The following DCTD variants were observed in gnomAD, a reference collection of about 807,000 sequenced individuals.
DCTD encodes deoxycytidylate deaminase.
In DCTD, 23 loss-of-function variants were observed where a neutral mutation model predicts 21.0. The observed-to-expected ratio is 1.09, with a 90% CI of 0.79 to 1.55. The LOEUF is 1.55. DCTD is among the 40% of genes most tolerant of loss of function. The pLI is 0.00. For missense variants in DCTD, 224 were observed against 230.0 expected (o/e 0.97, Z 0.17); for synonymous variants, 71 against 81.1 (o/e 0.88, Z 0.67).
intron 5 of DCTD, 74 bp from the exon 6 acceptor site, chr4:182,891,551 T>C: frequency 9.5e-7 from 1 of 1,055,672 alleles, no homozygotes; most frequent in South Asian, 1.3e-5. Flanking sequence ...GCTTAACTCA[T>C]ATTTTCTGTG....
rs1734633396 is a variant in DCTD, at chr4:182,895,824, C to A, written c.245-1219G>T. 2.0e-5 allele frequency among the ~76,000 whole-genome samples: 3 copies of A among 152,338 alleles called. No individual in the cohort carries two copies. In the South Asian group the frequency reaches 6.2e-4, roughly 32 times the overall value. ...TACAGAGATCTGTGCCCTGTGCCTG[C>A]AGAGTGTGATGGCCTGGGCTGTGGC... On this transcript the variant is annotated intron_variant, in intron 3 of 5. Coordinates refer to ENST00000438320, the MANE Select transcript of DCTD (RefSeq NM_001921.3).
chr4:182,891,541 G>T, intron 5 of DCTD, 64 bp from the exon 6 acceptor site: 2 of 1,140,936 alleles, frequency 1.8e-6, no homozygotes, highest in Non-Finnish European at 2.6e-6. Flanking sequence ...GTTTACTTTG[G>T]CTTAACTCAT....
chr4:182,912,580 T>C (rs1737897754), intron 3 of DCTD, among the ~76,000 whole-genome samples: 1 of 152,090 alleles, frequency 6.6e-6, no homozygotes, highest in Non-Finnish European at 1.5e-5. Context: ...AAACAATCGG[T>C]GAAGTTGGAC....
chr4:182,891,933 T>C (rs1733829432), intron 5 of DCTD, among the ~76,000 whole-genome samples: 1 of 151,292 alleles, frequency 6.6e-6, no homozygotes, highest in South Asian at 2.1e-4. Flanking sequence ...CAAATTACAT[T>C]CTAAAAATGC....
intron 3 of DCTD, among the ~76,000 whole-genome samples, chr4:182,914,078 G>A (rs1368221724): frequency 1.3e-5 from 2 of 152,140 alleles, no homozygotes; most frequent in Non-Finnish European, 2.9e-5. Context: ...CGCAGTCTTG[G>A]CTCACTACAA....
At chr4:182,916,873 G>T (rs1360571976) in intron 1 of DCTD, 1 of 1,016,300 alleles carries the variant, frequency 9.8e-7, no homozygotes, top group Non-Finnish European at 1.2e-6. Flanking sequence ...GAAACAGAGA[G>T]AACTGGAGCT....
At chr4:182,912,057 A>G (rs1418376500) in intron 3 of DCTD, among the ~76,000 whole-genome samples, 1 of 152,106 alleles carries the variant, frequency 6.6e-6, no homozygotes, top group Non-Finnish European at 1.5e-5. Context: ...AGTCACCATT[A>G]ATGTAGATGA....
At chr4:182,903,927 T>A (rs1234788164) in intron 3 of DCTD, among the ~76,000 whole-genome samples, 1 of 152,210 alleles carries the variant, frequency 6.6e-6, no homozygotes, top group African/African-American at 2.4e-5. Context: ...AAGACTAACA[T>A]CTGTCAAGAG....
At chr4:182,906,592 A>T (rs1287514753) in intron 3 of DCTD, among the ~76,000 whole-genome samples, 1 of 152,278 alleles carries the variant, frequency 6.6e-6, no homozygotes, top group Non-Finnish European at 1.5e-5. Context: ...CATCACCAGC[A>T]GACAACTGAA....
At chr4:182,916,682 G>A in intron 1 of DCTD, 2 of 1,009,142 alleles carry the variant, frequency 2.0e-6, no homozygotes, top group Non-Finnish European at 2.4e-6. Context: ...CCTGGCTTTA[G>A]GGCCAGCATC....
At chr4:182,894,969 A>G in intron 3 of DCTD, among the ~76,000 whole-genome samples, 1 of 152,248 alleles carries the variant, frequency 6.6e-6, no homozygotes, top group East Asian at 1.9e-4. Context: ...GTGGCTGTTA[A>G]GAGGGCTAGG....
In DCTD at chr4:182,912,329, C is replaced by T. The variant is rs114855117; in HGVS notation, c.244+2594G>A. ...TAAGCCCATCTTTACTGTATTATGG[C>T]GGCAGTAATACTAAATGCCTTTTAG... On this transcript the variant is annotated intron_variant, in intron 3 of 5. Transcript: ENST00000438320. Among the ~76,000 whole-genome samples the T allele has an allele frequency of 8.4e-3, 1,282 of 152,176 alleles. 19 individuals carry two copies. The highest frequency in any genetic ancestry group is 0.029 in the African/African-American group (1,184 of 41,520).
intron 3 of DCTD, among the ~76,000 whole-genome samples, chr4:182,911,738 C>T (rs1438268287): frequency 6.6e-6 from 1 of 152,222 alleles, no homozygotes; most frequent in Non-Finnish European, 1.5e-5. Flanking sequence ...ATATCCACAA[C>T]TGGATAAATC....
intron 5 of DCTD, 82 bp from the exon 6 acceptor site, chr4:182,891,559 G>T: frequency 2.1e-6 from 2 of 965,524 alleles, no homozygotes; most frequent in Non-Finnish European, 1.6e-6. Flanking sequence ...CATATTTTCT[G>T]TGCAGAGAAA....
chr4:182,904,012 C>T (rs1736211033), intron 3 of DCTD, among the ~76,000 whole-genome samples: 1 of 152,200 alleles, frequency 6.6e-6, no homozygotes, highest in Non-Finnish European at 1.5e-5. Flanking sequence ...TGAGACCAGG[C>T]TGTCCTGGCC....
chr4:182,904,322 C>T (rs929296176), intron 3 of DCTD, among the ~76,000 whole-genome samples: 2 of 152,206 alleles, frequency 1.3e-5, no homozygotes, highest in Non-Finnish European at 2.9e-5. Flanking sequence ...ACTGCATCCA[C>T]GGTAGGCCAT....
At chr4:182,891,587 A>G (rs533581678) in intron 5 of DCTD, 110 bp from the exon 6 acceptor site, 3 of 746,672 alleles carry the variant, frequency 4.0e-6, no homozygotes, top group East Asian at 5.2e-5. Context: ...CCTGGGATTC[A>G]CTTGCTATTT....
Position 182,915,011 on chromosome 4 carries a change from C to T in DCTD, c.156G>A (p.Gly52=), listed in dbSNP as rs186817129. ...VNSENKIVGI[G]YNGMPNGCSD... ...TGCACCCATTTGGCATCCCATTGTACCCAATCCCGACAATCTTGTTTTCTG... is the reference window on the plus strand; with the variant it reads ...TGCACCCATTTGGCATCCCATTGTATCCAATCCCGACAATCTTGTTTTCTG... Residue 52 remains glycine, a synonymous_variant, in exon 3 of 6, where the codon GGG becomes GGA. Transcript: ENST00000438320. 900 of 1,614,228 alleles carry T rather than the reference C, an allele frequency of 5.6e-4. 2 individuals carry two copies. The highest frequency in any genetic ancestry group is 7.1e-4 in the Non-Finnish European group (836 of 1,180,040).
chr4:182,896,170 C>T (rs1734692714), intron 3 of DCTD, among the ~76,000 whole-genome samples: 1 of 152,160 alleles, frequency 6.6e-6, no homozygotes, highest in African/African-American at 2.4e-5. Flanking sequence ...ATTTCAGTCC[C>T]GACTCACTTG....
Sources: allele counts gnomAD v4.1 joint callset (sites outside exome capture counted in the v4.1 genomes callset), GRCh38; gene constraint gnomAD v4.1.1; transcripts MANE v1.5; gene names NCBI Gene and HGNC (gene_info 2026-07-23, HGNC 2026-07-21).